The following MIPEP variants were observed in gnomAD, a reference collection of about 807,000 sequenced individuals.
MIPEP encodes mitochondrial intermediate peptidase.
In MIPEP, 79 loss-of-function variants were observed where a neutral mutation model predicts 90.3. That is an observed-to-expected ratio of 0.87 (90% confidence interval 0.73 to 1.05). The LOEUF (loss-of-function observed/expected upper bound fraction) is 1.05, where lower values mean the gene tolerates loss of function less well. Ranked by LOEUF, MIPEP falls within the 50% of genes least tolerant of loss-of-function variation. MIPEP has a pLI of 0.00. For missense variants in MIPEP, 940 were observed against 905.6 expected, an observed-to-expected ratio of 1.04 and a Z score of -0.49; for synonymous variants, 334 against 315.8, an observed-to-expected ratio of 1.06 and a Z score of -0.61.
At position 23,789,620 on chromosome 13, in the gene MIPEP, T is replaced by A. The variant is rs1172740367; in HGVS notation, c.1848+16330A>T. ...CTGAACGGTCATCCTGGCCTCTGCA[T>A]TACCCAGAGTATCAGGTACAAATAA... On this transcript the variant is annotated intron_variant, in intron 16 of 18. Transcript: ENST00000382172. 2.0e-5 allele frequency among the ~76,000 whole-genome samples: 3 copies of A among 152,214 alleles called. No homozygotes were observed. In the East Asian group the frequency reaches 5.8e-4, roughly 29 times the overall value.
At chr13:23,789,634 A>C (rs1952880864) in intron 16 of MIPEP, among the ~76,000 whole-genome samples, 1 of 152,228 alleles carries the variant, frequency 6.6e-6, no homozygotes, top group Admixed American at 6.5e-5. Context: ...CCAGAGTATC[A>C]GGTACAAATA....
intron 18 of MIPEP, among the ~76,000 whole-genome samples, chr13:23,748,301 C>T (rs1257365711): frequency 4.0e-5 from 6 of 149,682 alleles, no homozygotes; most frequent in Admixed American, 2.0e-4. Context: ...TTATTGAATG[C>T]CGATGGGCTG....
intron 16 of MIPEP, among the ~76,000 whole-genome samples, chr13:23,771,826 C>T (rs1415335948): frequency 6.6e-6 from 1 of 152,154 alleles, no homozygotes; most frequent in East Asian, 1.9e-4. Flanking sequence ...TGAATAATTG[C>T]TGCTCCCCAA....
chr13:23,777,463 A>C (rs1486801663), intron 16 of MIPEP, among the ~76,000 whole-genome samples: 1 of 152,222 alleles, frequency 6.6e-6, no homozygotes, highest in Non-Finnish European at 1.5e-5. Context: ...ATAATGAACA[A>C]ATAGAGGATG....
chr13:23,848,266 C>T (rs191933808), intron 10 of MIPEP, among the ~76,000 whole-genome samples: 105 of 152,294 alleles, frequency 6.9e-4, no homozygotes, highest in Admixed American at 2.2e-3. Flanking sequence ...GACAGAGACA[C>T]GGACAGGGAC....
At chr13:23,788,671 C>G (rs1310951726) in intron 16 of MIPEP, among the ~76,000 whole-genome samples, 1 of 152,244 alleles carries the variant, frequency 6.6e-6, no homozygotes, top group Non-Finnish European at 1.5e-5. Flanking sequence ...GTGACAACCA[C>G]ATGATGCGCA....
intron 14 of MIPEP, among the ~76,000 whole-genome samples, chr13:23,833,106 G>A (rs2312561): frequency 0.38 from 57,150 of 152,034 alleles, 11,440 homozygotes; most frequent in Admixed American, 0.51. Flanking sequence ...AAAGGCAGCA[G>A]GATAGAAAAT....
At chr13:23,809,371 A>T (rs573745554) in intron 15 of MIPEP, among the ~76,000 whole-genome samples, 1 of 149,126 alleles carries the variant, frequency 6.7e-6, no homozygotes, top group South Asian at 2.1e-4. Context: ...TTTGAGACAG[A>T]GTCTCACTCT....
intron 16 of MIPEP, among the ~76,000 whole-genome samples, chr13:23,797,819 A>C (rs1236264293): frequency 1.3e-5 from 2 of 152,242 alleles, no homozygotes; most frequent in East Asian, 3.8e-4. Context: ...TTGTATACGC[A>C]TCAGAATGTC....
At chr13:23,784,158 A>G (rs1047403612) in intron 16 of MIPEP, among the ~76,000 whole-genome samples, 2 of 152,196 alleles carry the variant, frequency 1.3e-5, no homozygotes, top group Non-Finnish European at 2.9e-5. Flanking sequence ...ATATGGAACC[A>G]AAAAAGAGCC....
intron 14 of MIPEP, among the ~76,000 whole-genome samples, chr13:23,810,554 G>A (rs1946262691): frequency 6.6e-6 from 1 of 152,192 alleles, no homozygotes; most frequent in African/African-American, 2.4e-5. Context: ...TAATAATGTA[G>A]TTGAACAAGA....
At chr13:23,840,402 C>A (rs772684475) in intron 11 of MIPEP, among the ~76,000 whole-genome samples, 1 of 152,228 alleles carries the variant, frequency 6.6e-6, no homozygotes, top group African/African-American at 2.4e-5. Context: ...GTGAATGCAA[C>A]TGACAACAGT....
intron 18 of MIPEP, among the ~76,000 whole-genome samples, chr13:23,744,192 C>T (rs73158524): frequency 3.3e-5 from 5 of 152,318 alleles, no homozygotes; most frequent in Non-Finnish European, 7.3e-5. Context: ...AATCATTTTA[C>T]TGTAGGTAAG....
At chr13:23,857,906 T>C (rs561200562) in intron 10 of MIPEP, among the ~76,000 whole-genome samples, 1 of 152,266 alleles carries the variant, frequency 6.6e-6, no homozygotes, top group South Asian at 2.1e-4. Context: ...CAATAATGCA[T>C]AGTAATAAAA....
chr13:23,848,302 TCTATTCCAGTTCCCTTCTTCTACTC>T (rs1425564450), intron 10 of MIPEP, among the ~76,000 whole-genome samples: 5 of 152,168 alleles, frequency 3.3e-5, no homozygotes, highest in African/African-American at 7.2e-5. Flanking sequence ...GGTTTCTACT[TCTATTCCAGTTCCCTTCTTCTACTC>T]CTATTCCAGT....
intron 16 of MIPEP, among the ~76,000 whole-genome samples, chr13:23,794,033 G>A (rs1019935548): frequency 1.3e-5 from 2 of 152,144 alleles, no homozygotes; most frequent in Non-Finnish European, 2.9e-5. Context: ...ATGTTGTGTG[G>A]ATTTGAGAGT....
chr13:23,760,092 T>C lies in MIPEP; in HGVS notation c.1970+4A>G. ...TGGGGACATTTTAGAACTTACCCCC[T>C]TACCTGTTGAAAGGATCCTGTAGAA... On this transcript the variant is annotated splice_donor_region_variant and intron_variant, in intron 17 of 18. Transcript: ENST00000382172. 1 of 1,614,072 alleles carries C rather than the reference T, an allele frequency of 6.2e-7. No individual in the cohort carries two copies. Among genetic ancestry groups the C allele is most frequent in the Non-Finnish European group, 8.5e-7 (1 of 1,179,982 alleles).
In MIPEP at chr13:23,889,357, C is replaced by G. The variant is rs904692003; in HGVS notation, c.-37G>C. On this transcript the variant is annotated 5_prime_UTR_variant, in exon 1 of 19. Transcript: ENST00000382172. ...AGCAGTCCCTTCCTCCAACGCAGAT[C>G]CCTGCCCTGCTGCTTTCGCTGGGAG... is the stretch of plus-strand genomic sequence containing the variant. 19 of 1,260,974 alleles carry G rather than the reference C, an allele frequency of 1.5e-5. No individual in the cohort carries two copies. Among genetic ancestry groups the G allele is most frequent in the Non-Finnish European group, 1.8e-5 (18 of 1,002,172 alleles). 78.1% of individuals were successfully genotyped at this position (1,260,974 alleles called of 1,614,324 possible).
intron 5 of MIPEP, among the ~76,000 whole-genome samples, chr13:23,870,420 G>GT (rs1414395706): frequency 6.6e-6 from 1 of 151,670 alleles, no homozygotes; most frequent in Admixed American, 6.6e-5. Context: ...CATACTTATG[G>GT]TTTTCTGATG....
Sources: allele counts gnomAD v4.1 joint callset (sites outside exome capture counted in the v4.1 genomes callset), GRCh38; gene constraint gnomAD v4.1.1; transcripts MANE v1.5; gene names NCBI Gene and HGNC (gene_info 2026-07-23, HGNC 2026-07-21).